PAXBP1: variants seen among roughly 807,000 people sequenced by gnomAD.
PAXBP1 encodes PAX3- and PAX7-binding protein 1.
Under a neutral mutation model 119.9 loss-of-function variants are expected in PAXBP1, and 44 were observed. The observed-to-expected ratio is 0.37, with a 90% CI of 0.29 to 0.47. The LOEUF (loss-of-function observed/expected upper bound fraction) is 0.47, where lower values mean the gene tolerates loss of function less well. Ranked by LOEUF, PAXBP1 falls within the 20% of genes least tolerant of loss-of-function variation. PAXBP1 has a pLI of 0.99. For synonymous variants in PAXBP1, 393 were observed against 406.6 expected (o/e 0.97, Z 0.40); for missense variants, 898 against 1,134.1 (o/e 0.79, Z 2.99).
chr21:32,739,854 C>T (rs2146467773), intron 15 of PAXBP1, among the ~76,000 whole-genome samples: 1 of 144,100 alleles, frequency 6.9e-6, no homozygotes, highest in South Asian at 2.2e-4. Context: ...CCTGTAATCC[C>T]AGTACTTTGG....
At chr21:32,736,201 G>GT (rs1386394156) in intron 17 of PAXBP1, among the ~76,000 whole-genome samples, 1 of 152,210 alleles carries the variant, frequency 6.6e-6, no homozygotes, top group Admixed American at 6.5e-5. Flanking sequence ...TTTTGTTGTT[G>GT]TTTTTTGAGA....
In PAXBP1 at chr21:32,764,515, G is replaced by C. The variant is rs1202512779; in HGVS notation, c.482C>G (p.Pro161Arg). ...ELNSSAESEQPLDKTGHVKDT... is the reference protein window; with the variant it reads ...ELNSSAESEQRLDKTGHVKDT... ...CTTAACATGTCCTGTTTTGTCCAAA[G>C]GTTGTTCACCTAAATTTTTGAAGAA... Residue 161 changes from proline to arginine, a missense_variant, in exon 3 of 18, where the codon CCT becomes CGT. Transcript: ENST00000331923. The C allele has an allele frequency of 1.9e-6, 3 of 1,586,232 alleles. No homozygotes were observed. The highest frequency in any genetic ancestry group is 4.5e-5 in the East Asian group (2 of 44,200).
chr21:32,748,482 T>G lies in PAXBP1; in HGVS notation c.1923+17A>C. ...ATCAAATTATAACACTTTCTAATAG[T>G]GACAGAAGCCACTCACCTCAAGAGG... On this transcript the variant is annotated intron_variant, in intron 11 of 17. Coordinates refer to ENST00000331923, the MANE Select transcript of PAXBP1 (RefSeq NM_016631.4). 6.3e-7 allele frequency: 1 copy of G among 1,595,478 alleles called. No individual in the cohort carries two copies. The highest frequency in any genetic ancestry group is 2.2e-5 in the East Asian group (1 of 44,734).
chr21:32,745,027 A>C (rs1017625641), intron 12 of PAXBP1, 114 bp from the exon 13 acceptor site: 64 of 1,182,126 alleles, frequency 5.4e-5, no homozygotes, highest in Non-Finnish European at 7.6e-5. Flanking sequence ...TTTCTACAAT[A>C]TAAGCTTTAG....
chr21:32,738,831 C>G (rs946466910), intron 15 of PAXBP1, among the ~76,000 whole-genome samples: 10 of 152,240 alleles, frequency 6.6e-5, no homozygotes, highest in African/African-American at 9.6e-5. Context: ...AAAATGAAAG[C>G]CCCATCCCAT....
chr21:32,756,078 C>A (rs1264943224), intron 7 of PAXBP1: 1 of 216,636 alleles, frequency 4.6e-6, no homozygotes, highest in Non-Finnish European at 9.4e-6. Context: ...GAATTGTGAA[C>A]TTACAAAGTC....
In PAXBP1 at chr21:32,748,658, G is replaced by C. The variant is rs1433862151; in HGVS notation, c.1764C>G (p.Val588=). Reference sequence around the variant, plus strand: ...AGTCAATTGAATAGAAACTTTCAAGGACATCTTCAAAAACTTTGCCGGATT... The same window carrying C: ...AGTCAATTGAATAGAAACTTTCAAGCACATCTTCAAAAACTTTGCCGGATT... ...SKESGKVFED[V]LESFYSIDCI... The change falls in exon 11 of 18, where the codon GTC becomes GTG. Residue 588 remains valine (V), a synonymous_variant. Coordinates refer to ENST00000331923, the MANE Select transcript of PAXBP1 (RefSeq NM_016631.4). 6.2e-7 allele frequency: 1 copy of C among 1,612,546 alleles called. No individual in the cohort carries two copies. The highest frequency in any genetic ancestry group is 8.5e-7 in the Non-Finnish European group (1 of 1,179,138).
chr21:32,748,222 A>G (rs1404531713), intron 11 of PAXBP1, among the ~76,000 whole-genome samples: 1 of 152,146 alleles, frequency 6.6e-6, no homozygotes, highest in Non-Finnish European at 1.5e-5. Context: ...TTCATATCCC[A>G]GTGTTACTGC....
intron 5 of PAXBP1, among the ~76,000 whole-genome samples, chr21:32,760,532 T>C (rs1201154773): frequency 1.3e-5 from 2 of 152,250 alleles, no homozygotes; most frequent in Non-Finnish European, 2.9e-5. Flanking sequence ...AAGTTTTTTG[T>C]ATTATTGAGA....
rs945633916 is a variant in PAXBP1, at chr21:32,749,792, G to A, written c.1724-1094C>T. Among the ~76,000 whole-genome samples, 9 of 152,134 alleles carry A rather than the reference G, an allele frequency of 5.9e-5. No individual in the cohort carries two copies. In the South Asian group the frequency reaches 1.9e-3, roughly 31 times the overall value. ...AAACAATGCTATGAGGAAACATACA[G>A]ACCAGTCTAGAATATAGGACAGTCT... is the stretch of plus-strand genomic sequence containing the variant. On this transcript the variant is annotated intron_variant, in intron 10 of 17. Coordinates refer to ENST00000331923, the MANE Select transcript of PAXBP1 (RefSeq NM_016631.4).
intron 15 of PAXBP1, among the ~76,000 whole-genome samples, chr21:32,740,519 G>A (rs2043764786): frequency 6.6e-6 from 1 of 152,108 alleles, no homozygotes; most frequent in African/African-American, 2.4e-5. Context: ...CACAGAAAAG[G>A]CTATCGCCTT....
At chr21:32,743,122 A>G in intron 15 of PAXBP1, 126 bp downstream of exon 15, 1 of 763,668 alleles carries the variant, frequency 1.3e-6, no homozygotes, top group Non-Finnish European at 2.3e-6. Flanking sequence ...TGTAAAATGG[A>G]GATTTTGGGT....
At chr21:32,771,272 G>A in intron 1 of PAXBP1, 54 bp downstream of exon 1, 1 of 1,475,654 alleles carries the variant, frequency 6.8e-7, no homozygotes, top group South Asian at 1.2e-5. Flanking sequence ...GCGGGGGACG[G>A]GGGCCTGCGT....
At chr21:32,746,000 C>T (rs184136094) in intron 11 of PAXBP1, among the ~76,000 whole-genome samples, 2 of 152,160 alleles carry the variant, frequency 1.3e-5, no homozygotes, top group African/African-American at 2.4e-5. Flanking sequence ...AAACCTGACA[C>T]GAACAAGCAA....
At chr21:32,763,526 A>G (rs946623809) in intron 3 of PAXBP1, among the ~76,000 whole-genome samples, 1 of 152,246 alleles carries the variant, frequency 6.6e-6, no homozygotes, top group Non-Finnish European at 1.5e-5. Context: ...CTCAGCCCAG[A>G]GTAGCATATT....
Position 32,734,932 on chromosome 21 carries a change from T to C in PAXBP1, c.*18A>G, listed in dbSNP as rs917535419. 8 of 1,581,470 alleles carry C rather than the reference T, an allele frequency of 5.1e-6. No individual in the cohort carries two copies. Among genetic ancestry groups the C allele is most frequent in the Non-Finnish European group, 5.2e-6 (6 of 1,151,020 alleles). ...TGGGAATGGTAATCAAGCAAATAGG[T>C]TTTTCAGTCTCATAGATCTATTTTC... On this transcript the variant is annotated 3_prime_UTR_variant, in exon 18 of 18. Transcript: ENST00000331923.
chr21:32,744,275 A>C (rs2043837078), intron 13 of PAXBP1, among the ~76,000 whole-genome samples: 1 of 151,122 alleles, frequency 6.6e-6, no homozygotes, highest in South Asian at 2.1e-4. Flanking sequence ...AAAAAAAAAA[A>C]AGAAAAAAAA....
intron 5 of PAXBP1, among the ~76,000 whole-genome samples, chr21:32,760,212 AAC>A (rs1171345724): frequency 1.3e-5 from 2 of 152,304 alleles, no homozygotes; most frequent in African/African-American, 2.4e-5. Context: ...TTTTCAGAAA[AAC>A]AGAGTTCAGA....
Position 32,762,190 on chromosome 21 carries a change from A to G in PAXBP1, c.777T>C (p.Asn259=). The G allele has an allele frequency of 6.2e-7, 1 of 1,614,156 alleles. No homozygotes were observed. The highest frequency in any genetic ancestry group is 8.5e-7 in the Non-Finnish European group (1 of 1,180,028). ...CGTCATCTTCATCATCACTGGCATC[A>G]TTCTCATCTTCTCTAACAAGGCGGC... ...GKGRLVREDE[N]DASDDEDDDE... is the part of the protein sequence containing the mutation. Residue 259 remains asparagine, a synonymous_variant, in exon 4 of 18, where the codon AAT becomes AAC. Coordinates refer to ENST00000331923, the MANE Select transcript of PAXBP1 (RefSeq NM_016631.4).
Sources: gnomAD v4.1 joint callset for allele counts (sites outside exome capture counted in the v4.1 genomes callset) on GRCh38, gnomAD v4.1.1 for gene constraint, MANE v1.5 for transcripts, NCBI Gene and HGNC (gene_info 2026-07-23, HGNC 2026-07-21) for gene names.